Variants in MACROD2 observed in about 807,000 individuals in gnomAD.
MACROD2 encodes the protein ADP-ribose glycohydrolase MACROD2.
Under a neutral mutation model 70.4 loss-of-function variants are expected in MACROD2, and 36 were observed. That is an observed-to-expected ratio of 0.51 (90% CI 0.39 to 0.68). MACROD2 has a LOEUF of 0.68. MACROD2 is among the 30% of genes least tolerant of loss of function. The pLI is 0.00. For missense variants in MACROD2, 496 were observed against 538.4 expected, an observed-to-expected ratio of 0.92 and a Z score of 0.78; for synonymous variants, 172 against 178.8, an observed-to-expected ratio of 0.96 and a Z score of 0.30.
At chr20:15,378,182 C>CATA (rs10626091) in intron 6 of MACROD2, among the ~76,000 whole-genome samples, 70,254 of 148,600 alleles carry the variant, frequency 0.47, 19,305 homozygotes, top group African/African-American at 0.78. Flanking sequence ...GAAAGGAACC[C>CATA]AAAGTCCTAG....
chr20:14,652,578 G>T (rs1318863489), intron 4 of MACROD2, among the ~76,000 whole-genome samples: 2 of 152,148 alleles, frequency 1.3e-5, no homozygotes, highest in East Asian at 1.9e-4. Context: ...AACCTGACTC[G>T]AAAACCATTG....
chr20:15,021,360 A>G (rs1231770020), intron 5 of MACROD2, among the ~76,000 whole-genome samples: 2 of 76,726 alleles, frequency 2.6e-5, no homozygotes, highest in Non-Finnish European at 5.0e-5. Flanking sequence ...ATGTATACAC[A>G]TGTGTGTATG....
chr20:14,040,470 T>C (rs1001015044), intron 2 of MACROD2, among the ~76,000 whole-genome samples: 2 of 152,204 alleles, frequency 1.3e-5, no homozygotes, highest in Admixed American at 6.5e-5. Context: ...ATGAATAAGT[T>C]CTTTAGTAGT....
At chr20:15,699,990 A>G (rs2050433388) in intron 8 of MACROD2, among the ~76,000 whole-genome samples, 1 of 152,126 alleles carries the variant, frequency 6.6e-6, no homozygotes. Flanking sequence ...ACTCAGCTCC[A>G]GGTAAAGTCA....
chr20:15,020,677 T>G (rs1005144095), intron 5 of MACROD2, among the ~76,000 whole-genome samples: 1 of 152,070 alleles, frequency 6.6e-6, no homozygotes, highest in Non-Finnish European at 1.5e-5. Context: ...TGGTATAGTC[T>G]ATTGCTCCTA....
intron 3 of MACROD2, among the ~76,000 whole-genome samples, chr20:14,189,868 A>G (rs2081371324): frequency 6.6e-6 from 1 of 152,222 alleles, no homozygotes; most frequent in Non-Finnish European, 1.5e-5. Context: ...CTAAGGTAAA[A>G]GAAGCTCATT....
At chr20:14,119,772 A>G (rs185186713) in intron 3 of MACROD2, among the ~76,000 whole-genome samples, 100 of 152,342 alleles carry the variant, frequency 6.6e-4, no homozygotes, top group Admixed American at 1.1e-3. Context: ...TAACAGGAAT[A>G]TATAGGCAAA....
At position 14,200,074 on chromosome 20, in the gene MACROD2, T is replaced by C. The variant is rs538073718; in HGVS notation, c.271+114346T>C. On this transcript the variant is annotated intron_variant, in intron 3 of 17. Coordinates refer to ENST00000684519, the MANE Select transcript of MACROD2 (RefSeq NM_001351661.2). The stretch of plus-strand genomic sequence containing the variant: ...AATTGAGAATTGAATTATTGTGTTT[T>C]TATCAATAAATTATAGTTAGACTCA... 4.6e-5 allele frequency among the ~76,000 whole-genome samples: 7 copies of C among 152,324 alleles called. No individual in the cohort carries two copies. The South Asian group carries it at 1.5e-3, about 32-fold the overall frequency.
chr20:14,546,674 T>C (rs1028167749), intron 4 of MACROD2, among the ~76,000 whole-genome samples: 1 of 152,148 alleles, frequency 6.6e-6, no homozygotes, highest in Non-Finnish European at 1.5e-5. Context: ...ATCCCAACTT[T>C]CCCTTCCTTT....
intron 5 of MACROD2, among the ~76,000 whole-genome samples, chr20:14,706,280 C>A (rs1481991539): frequency 6.6e-6 from 1 of 150,878 alleles, no homozygotes; most frequent in Non-Finnish European, 1.5e-5. Context: ...TGCCACTGCA[C>A]TCCAGCCTGG....
At chr20:15,324,398 C>T (rs866913171) in intron 6 of MACROD2, among the ~76,000 whole-genome samples, 1 of 152,158 alleles carries the variant, frequency 6.6e-6, no homozygotes, top group African/African-American at 2.4e-5. Context: ...ATACAACACC[C>T]CAATTCAGTA....
intron 2 of MACROD2, among the ~76,000 whole-genome samples, chr20:14,030,255 C>T (rs1391796272): frequency 6.6e-6 from 1 of 151,922 alleles, no homozygotes; most frequent in Non-Finnish European, 1.5e-5. Context: ...CCAGGCTGGT[C>T]TCAAATGCCT....
chr20:14,684,791 A>G lies in MACROD2; in HGVS notation c.302-52A>G, dbSNP rs942841014. 2.8e-6 allele frequency: 4 copies of G among 1,438,574 alleles called. No individual in the cohort carries two copies. In the African/African-American group the frequency reaches 4.2e-5, roughly 15 times the overall value. The allele number at this position is 1,438,574 out of a possible 1,614,324, so 89.1% of individuals were successfully genotyped here. A position where few individuals can be genotyped will look rare whatever the true frequency, so the allele number is the denominator to read the frequency against. Reference sequence around the variant, plus strand: ...TCTTCCTCTTCCCATCTTGAGCTTTATATTTATTTCCAAATGCCAAATATA... The same window carrying G: ...TCTTCCTCTTCCCATCTTGAGCTTTGTATTTATTTCCAAATGCCAAATATA... On this transcript the variant is annotated intron_variant, in intron 4 of 17. Coordinates refer to ENST00000684519, the MANE Select transcript of MACROD2 (RefSeq NM_001351661.2).
intron 3 of MACROD2, among the ~76,000 whole-genome samples, chr20:14,348,493 C>T (rs142668898): frequency 1.8e-4 from 27 of 151,748 alleles, no homozygotes; most frequent in Middle Eastern, 6.8e-3. Flanking sequence ...ACATTTGGCT[C>T]CTCTGAACCT....
intron 5 of MACROD2, among the ~76,000 whole-genome samples, chr20:15,030,839 C>A (rs560912735): frequency 6.6e-6 from 1 of 152,204 alleles, no homozygotes; most frequent in Non-Finnish European, 1.5e-5. Flanking sequence ...TGATCTTCAT[C>A]CCAGATCCCA....
chr20:15,459,712 C>G (rs1192403933), intron 7 of MACROD2, among the ~76,000 whole-genome samples: 1 of 152,094 alleles, frequency 6.6e-6, no homozygotes, highest in Non-Finnish European at 1.5e-5. Flanking sequence ...GACAGTTTTC[C>G]TCTCCCGGGA....
At chr20:14,103,806 A>G (rs1236370816) in intron 3 of MACROD2, among the ~76,000 whole-genome samples, 1 of 152,146 alleles carries the variant, frequency 6.6e-6, no homozygotes, top group East Asian at 1.9e-4. Context: ...CATGAATTTT[A>G]ATTTATTTAA....
intron 3 of MACROD2, among the ~76,000 whole-genome samples, chr20:14,207,200 C>T (rs1026376395): frequency 2.0e-5 from 3 of 152,084 alleles, no homozygotes; most frequent in South Asian, 2.1e-4. Context: ...CAGGTTCAAG[C>T]GATTCTCCTG....
chr20:14,997,241 G>A (rs2074957667), intron 5 of MACROD2, among the ~76,000 whole-genome samples: 1 of 152,144 alleles, frequency 6.6e-6, no homozygotes, highest in African/African-American at 2.4e-5. Flanking sequence ...AAAGCACCAG[G>A]CAGAGTCCTG....
Sources: gnomAD v4.1 joint callset for allele counts (sites outside exome capture counted in the v4.1 genomes callset) on GRCh38, gnomAD v4.1.1 for gene constraint, MANE v1.5 for transcripts, NCBI Gene and HGNC (gene_info 2026-07-23, HGNC 2026-07-21) for gene names.